The following BNC2 variants were observed in gnomAD, a reference collection of about 807,000 sequenced individuals.
BNC2 encodes basonuclin zinc finger protein 2.
BNC2 carries 20 observed loss-of-function variants against 76.3 expected under a neutral mutation model. That is an observed-to-expected ratio of 0.26 (90% CI 0.18 to 0.38). The LOEUF is 0.38. Ranked by LOEUF, BNC2 falls within the 10% of genes least tolerant of loss-of-function variation. The probability of loss-of-function intolerance (pLI) is 1.00; values close to 1 mark genes in which losing one functional copy is unlikely to be tolerated. For synonymous variants in BNC2, 582 were observed against 514.8 expected, an observed-to-expected ratio of 1.13 and a Z score of -1.77; for missense variants, 1,382 against 1,399.8, an observed-to-expected ratio of 0.99 and a Z score of 0.20.
chr9:16,497,978 G>GGTGTGTGTGT lies in BNC2; in HGVS notation c.669+54542_669+54551dup, dbSNP rs34523754. ...ATCAATGAGTGGATAAAGAAACTGT[G>GGTGTGTGTGT]GTGTGTGTGTGTGTGTGTGTGTGTG... On this transcript the variant is annotated intron_variant, in intron 5 of 6. Transcript: ENST00000380672. Among the ~76,000 whole-genome samples, 1,034 of 134,814 alleles carry GGTGTGTGTGT rather than the reference G, an allele frequency of 7.7e-3. 11 individuals carry two copies. The highest frequency in any genetic ancestry group is 0.019 in the Middle Eastern group (5 of 260). 88.4% of individuals were successfully genotyped at this position (134,814 alleles called of 152,430 possible).
At chr9:16,550,002 T>G (rs1018759810) in intron 5 of BNC2, among the ~76,000 whole-genome samples, 1 of 151,914 alleles carries the variant, frequency 6.6e-6, no homozygotes, top group Non-Finnish European at 1.5e-5. Flanking sequence ...ATTAAAATAA[T>G]AAAAATTAAT....
chr9:16,492,450 A>G (rs1822298124), intron 5 of BNC2, among the ~76,000 whole-genome samples: 1 of 152,196 alleles, frequency 6.6e-6, no homozygotes, highest in Non-Finnish European at 1.5e-5. Flanking sequence ...TGTTTTGGTA[A>G]AGATTCACCA....
chr9:16,775,473 A>G (rs1409739498), intron 1 of BNC2: 1 of 152,208 alleles, frequency 6.6e-6, no homozygotes, highest in African/African-American at 2.4e-5. Flanking sequence ...TTTTTCAGAA[A>G]CACTACAGTC....
At chr9:16,571,804 AC>A (rs1035285430) in intron 4 of BNC2, among the ~76,000 whole-genome samples, 2 of 152,122 alleles carry the variant, frequency 1.3e-5, no homozygotes, top group Non-Finnish European at 2.9e-5. Flanking sequence ...TTTTCCGCTG[AC>A]AAGGTTTTTG....
chr9:16,868,937 G>A (rs571049636), intron 1 of BNC2, among the ~76,000 whole-genome samples: 2 of 152,192 alleles, frequency 1.3e-5, no homozygotes, highest in Non-Finnish European at 2.9e-5. Flanking sequence ...GTATGCGTGT[G>A]GACAGTAACA....
At chr9:16,430,030 C>A (rs771955627) in intron 6 of BNC2, 1 of 497,032 alleles carries the variant, frequency 2.0e-6, no homozygotes, top group Non-Finnish European at 4.0e-6. Context: ...AGGAATGACA[C>A]TGAAGTTTAT....
chr9:16,738,514 A>G, intron 1 of BNC2, 29 bp from the exon 2 acceptor site: 1 of 1,612,528 alleles, frequency 6.2e-7, no homozygotes, highest in Non-Finnish European at 8.5e-7. Context: ...AGGAAATTAC[A>G]TATGCCCAGA....
At chr9:16,738,615 T>A in intron 1 of BNC2, 130 bp from the exon 2 acceptor site, 7 of 1,063,178 alleles carry the variant, frequency 6.6e-6, no homozygotes, top group African/African-American at 1.6e-5. Flanking sequence ...TTTTTAAGAG[T>A]TAATAGTTTC....
At chr9:16,767,956 G>A (rs145533908) in intron 1 of BNC2, among the ~76,000 whole-genome samples, 115 of 149,622 alleles carry the variant, frequency 7.7e-4, no homozygotes, top group African/African-American at 2.8e-3. Flanking sequence ...TGAAGAGGCA[G>A]GTTATGCAAT....
In BNC2 at chr9:16,830,430, A is replaced by G. The variant is rs1004262354; in HGVS notation, c.3+40216T>C. Among the ~76,000 whole-genome samples the G allele has an allele frequency of 7.2e-4, 110 of 152,348 alleles. 1 individual carries two copies. Among genetic ancestry groups the G allele is most frequent in the African/African-American group, 2.6e-3 (108 of 41,584 alleles). ...CTCTTATACTTGAAATCATCCCTAG[A>G]TTACTAATACAATGTAAATGCTACG... On this transcript the variant is annotated intron_variant, in intron 1 of 6. Coordinates refer to ENST00000380672, the MANE Select transcript of BNC2 (RefSeq NM_017637.6).
chr9:16,859,449 GTCTA>G (rs1285593488), intron 1 of BNC2, among the ~76,000 whole-genome samples: 1 of 152,168 alleles, frequency 6.6e-6, no homozygotes, highest in African/African-American at 2.4e-5. Context: ...CAAACTAAAT[GTCTA>G]TCTACAGATG....
intron 3 of BNC2, among the ~76,000 whole-genome samples, chr9:16,607,807 C>T (rs1044122701): frequency 6.6e-6 from 1 of 152,122 alleles, no homozygotes; most frequent in Non-Finnish European, 1.5e-5. Context: ...CTCTAGTGAC[C>T]TAACTTATAG....
At chr9:16,482,109 A>T (rs1344936640) in intron 5 of BNC2, among the ~76,000 whole-genome samples, 1 of 152,232 alleles carries the variant, frequency 6.6e-6, no homozygotes, top group Non-Finnish European at 1.5e-5. Context: ...AATATTAGTA[A>T]TAATAGAAGA....
At chr9:16,667,756 G>T (rs1189957361) in intron 3 of BNC2, among the ~76,000 whole-genome samples, 2 of 152,162 alleles carry the variant, frequency 1.3e-5, no homozygotes, top group Non-Finnish European at 2.9e-5. Context: ...TATAGCATAT[G>T]TTTTGAGGAC....
chr9:16,482,830 G>A (rs1036306593), intron 5 of BNC2, among the ~76,000 whole-genome samples: 9 of 152,146 alleles, frequency 5.9e-5, no homozygotes, highest in African/African-American at 2.2e-4. Flanking sequence ...AACAGCCACG[G>A]AGTCACTGAA....
chr9:16,825,982 G>C (rs1818445291), intron 1 of BNC2, among the ~76,000 whole-genome samples: 2 of 152,032 alleles, frequency 1.3e-5, no homozygotes, highest in African/African-American at 4.8e-5. Flanking sequence ...GTTCAGGGCA[G>C]GTGACACTGG....
Position 16,727,800 on chromosome 9 carries a change from T to G in BNC2, c.327A>C (p.Gln109His), listed in dbSNP as rs771602439. ...ATCAAGAAAGAAAGTAACTTACCTGTTGGGACATTCTGAATAAGAGGTTAG... is the reference window on the plus strand; with the variant it reads ...ATCAAGAAAGAAAGTAACTTACCTGGTGGGACATTCTGAATAAGAGGTTAG... ...ADTNLLFRMS[Q>H]QAIRCTLVNC... is the part of the protein sequence containing the mutation. Residue 109 changes from glutamine to histidine, a missense_variant, in exon 3 of 7, where the codon CAA becomes CAC. By Grantham distance (24) the Gln-to-His change is conservative. This residue lies in a region of BNC2 where 557 missense variants were observed against 540.9 expected (regional missense o/e 1.03). Coordinates refer to ENST00000380672, the MANE Select transcript of BNC2 (RefSeq NM_017637.6). 6.8e-6 allele frequency: 11 copies of G among 1,613,762 alleles called. No individual in the cohort carries two copies. The highest frequency in any genetic ancestry group is 9.3e-6 in the Non-Finnish European group (11 of 1,179,726).
rs530736228 is a variant in BNC2, at chr9:16,673,211, G to C, written c.330+54586C>G. ...GCATATCAAAGGGAGAAAAACCTTT[G>C]TTTATTCAAGAAATTCCTAATGGTT... On this transcript the variant is annotated intron_variant, in intron 3 of 6. Transcript: ENST00000380672. Among the ~76,000 whole-genome samples, 14 of 152,176 alleles carry C rather than the reference G, an allele frequency of 9.2e-5. No homozygotes were observed. The South Asian group carries it at 2.9e-3, about 32-fold the overall frequency.
intron 4 of BNC2, among the ~76,000 whole-genome samples, chr9:16,571,819 G>A (rs1819332179): frequency 6.6e-6 from 1 of 151,984 alleles, no homozygotes; most frequent in Non-Finnish European, 1.5e-5. Flanking sequence ...GTTTTTGCCT[G>A]ACACAGATTC....
Sources: allele counts gnomAD v4.1 joint callset (sites outside exome capture counted in the v4.1 genomes callset), GRCh38; gene constraint gnomAD v4.1.1; regional missense constraint gnomAD v4.1.1; transcripts MANE v1.5; gene names NCBI Gene and HGNC (gene_info 2026-07-23, HGNC 2026-07-21).